DGKB: variants seen among roughly 807,000 people sequenced by gnomAD.
DGKB encodes diacylglycerol kinase beta.
Under a neutral mutation model 114.3 loss-of-function variants are expected in DGKB, and 67 were observed. The observed-to-expected ratio is 0.59, with a 90% confidence interval of 0.48 to 0.72. The LOEUF (loss-of-function observed/expected upper bound fraction) is 0.72, where lower values mean the gene tolerates loss of function less well. DGKB is among the 30% of genes least tolerant of loss of function. The probability of loss-of-function intolerance (pLI) is 0.00; values close to 1 mark genes in which losing one functional copy is unlikely to be tolerated. For synonymous variants in DGKB, 398 were observed against 323.1 expected (o/e 1.23, Z -2.49); for missense variants, 907 against 975.2 (o/e 0.93, Z 0.93).
intron 1 of DGKB, among the ~76,000 whole-genome samples, chr7:14,943,832 T>C (rs113037572): frequency 0.02 from 3,026 of 152,002 alleles, 92 homozygotes; most frequent in African/African-American, 0.068. Flanking sequence ...CTGAATTCTT[T>C]ACTACATTTC....
At chr7:14,246,428 G>C (rs1249718473) in intron 23 of DGKB, among the ~76,000 whole-genome samples, 1 of 152,142 alleles carries the variant, frequency 6.6e-6, no homozygotes, top group African/African-American at 2.4e-5. Flanking sequence ...AGATAATCTA[G>C]CTTCTGAACC....
intron 23 of DGKB, among the ~76,000 whole-genome samples, chr7:14,235,264 G>C (rs187211106): frequency 6.6e-6 from 1 of 151,952 alleles, no homozygotes; most frequent in South Asian, 2.1e-4. Context: ...TTTGTTCATT[G>C]TCCCGCACTG....
chr7:14,371,808 C>G (rs1817702121), intron 21 of DGKB, among the ~76,000 whole-genome samples: 1 of 152,096 alleles, frequency 6.6e-6, no homozygotes, highest in Non-Finnish European at 1.5e-5. Context: ...TTTACATTGA[C>G]ATTACTTAGC....
intron 21 of DGKB, among the ~76,000 whole-genome samples, chr7:14,374,294 G>A (rs1446996311): frequency 1.3e-5 from 2 of 152,154 alleles, no homozygotes; most frequent in Non-Finnish European, 2.9e-5. Context: ...CACTGGGAGC[G>A]ATGAAGTGGA....
intron 21 of DGKB, among the ~76,000 whole-genome samples, chr7:14,352,247 C>G (rs1322700727): frequency 6.6e-6 from 1 of 151,970 alleles, no homozygotes; most frequent in Non-Finnish European, 1.5e-5. Context: ...ACTAAAGAAA[C>G]TTTTTTTATA....
intron 4 of DGKB, among the ~76,000 whole-genome samples, chr7:14,747,002 G>C (rs1406286148): frequency 2.0e-5 from 3 of 151,834 alleles, no homozygotes; most frequent in African/African-American, 4.8e-5. Flanking sequence ...TATAAGAATG[G>C]AGTAAAAATT....
At chr7:14,633,494 T>C (rs771977993) in intron 13 of DGKB, among the ~76,000 whole-genome samples, 7 of 151,860 alleles carry the variant, frequency 4.6e-5, no homozygotes, top group Non-Finnish European at 1.0e-4. Flanking sequence ...TGCCCATCAG[T>C]AGTTTATTCC....
intron 23 of DGKB, among the ~76,000 whole-genome samples, chr7:14,225,309 G>T (rs59162121): frequency 1.3e-3 from 201 of 152,134 alleles, no homozygotes; most frequent in African/African-American, 4.7e-3. Context: ...CTGAGTATGG[G>T]AGACTCAAGA....
intron 1 of DGKB, among the ~76,000 whole-genome samples, chr7:14,970,641 C>T (rs781234177): frequency 3.9e-5 from 6 of 152,016 alleles, no homozygotes; most frequent in African/African-American, 7.2e-5. Flanking sequence ...AAAGTGAAAG[C>T]GGGTAAAATT....
In DGKB at chr7:14,146,164, G is replaced by A. The variant is rs1392431901; in HGVS notation, c.*2967C>T. On this transcript the variant is annotated 3_prime_UTR_variant, in exon 26 of 26. Transcript: ENST00000402815. ...AATAAATTGATCAGCATTTTCACAT[G>A]AAATACATGGTGTACACAAGGAAGT... 6.6e-6 allele frequency: 1 copy of A among 152,170 alleles called. No individual in the cohort carries two copies. The highest frequency in any genetic ancestry group is 1.9e-4 in the East Asian group (1 of 5,194). 9.4% of individuals were successfully genotyped at this position (152,170 alleles called of 1,614,324 possible). A position where few individuals can be genotyped will look rare whatever the true frequency, so the allele number is the denominator to read the frequency against.
intron 2 of DGKB, among the ~76,000 whole-genome samples, chr7:14,798,460 T>G (rs543198748): frequency 7.2e-5 from 11 of 152,292 alleles, no homozygotes; most frequent in African/African-American, 2.4e-4. Flanking sequence ...GCCTTTTGAG[T>G]TCTTATATTT....
At chr7:14,719,657 C>A (rs1337289535) in intron 5 of DGKB, among the ~76,000 whole-genome samples, 5 of 152,066 alleles carry the variant, frequency 3.3e-5, no homozygotes. Flanking sequence ...TACCTGACTG[C>A]GTATGTCTCA....
In DGKB at chr7:14,250,133, T is replaced by TATA. The variant is rs1491420041; in HGVS notation, c.2123-71983_2123-71982insTAT. 3.4e-3 allele frequency among the ~76,000 whole-genome samples: 110 copies of TATA among 32,698 alleles called. 1 individual carries two copies. The highest frequency in any genetic ancestry group is 3.8e-3 in the African/African-American group (29 of 7,598). The allele number at this position is 32,698 out of a possible 152,430, so 21.5% of individuals were successfully genotyped here. The stretch of plus-strand genomic sequence containing the variant: ...CCACACTTGGCTATATATATATATA[T>TATA]TTTTTTTTTTTTTTTGGTAGAAATG... On this transcript the variant is annotated intron_variant, in intron 23 of 25. Transcript: ENST00000402815.
chr7:14,971,526 C>A (rs1787466292), intron 1 of DGKB, among the ~76,000 whole-genome samples: 1 of 151,916 alleles, frequency 6.6e-6, no homozygotes, highest in South Asian at 2.1e-4. Flanking sequence ...AAATACCTAG[C>A]CAATTTTTCA....
rs1812690952 is a variant in DGKB, at chr7:14,347,559, C to T, written c.1836-2168G>A. 2.0e-5 allele frequency among the ~76,000 whole-genome samples: 3 copies of T among 151,624 alleles called. No homozygotes were observed. The South Asian group carries it at 6.2e-4, about 32-fold the overall frequency. ...GCATGATCTCACTTATATGCAGAAT[C>T]AAAAAAAGTCAAATACATAGAAGCA... On this transcript the variant is annotated intron_variant, in intron 21 of 25. Transcript: ENST00000402815.
chr7:14,316,646 C>T (rs1421247179), intron 23 of DGKB, among the ~76,000 whole-genome samples: 12 of 136,174 alleles, frequency 8.8e-5, no homozygotes, highest in African/African-American at 2.3e-4. Flanking sequence ...TAATCAATAG[C>T]TTACCAACCA....
intron 21 of DGKB, among the ~76,000 whole-genome samples, chr7:14,399,243 G>A (rs1184328614): frequency 1.3e-5 from 2 of 151,758 alleles, no homozygotes; most frequent in African/African-American, 2.4e-5. Context: ...ATTTGGTACA[G>A]AAAACAAAAT....
intron 2 of DGKB, among the ~76,000 whole-genome samples, chr7:14,796,746 CT>C (rs1267860603): frequency 5.9e-5 from 9 of 151,480 alleles, no homozygotes; most frequent in African/African-American, 2.2e-4. Context: ...TTAGCCAAAG[CT>C]TTTGCAAAAA....
chr7:14,450,756 T>C (rs1032584138), intron 21 of DGKB, among the ~76,000 whole-genome samples: 1 of 152,056 alleles, frequency 6.6e-6, no homozygotes, highest in Admixed American at 6.6e-5. Context: ...GGAGGTGTCC[T>C]ATCAAGTGGA....
Sources: allele counts gnomAD v4.1 joint callset (sites outside exome capture counted in the v4.1 genomes callset), GRCh38; gene constraint gnomAD v4.1.1; transcripts MANE v1.5; gene names NCBI Gene and HGNC (gene_info 2026-07-23, HGNC 2026-07-21).